Variants in CACNA1D observed in about 807,000 individuals in gnomAD.
CACNA1D encodes the protein voltage-dependent L-type calcium channel subunit alpha-1D.
Under a neutral mutation model 257.1 loss-of-function variants are expected in CACNA1D, and 55 were observed. That is an observed-to-expected ratio of 0.21 (90% CI 0.17 to 0.27). The LOEUF is 0.27. CACNA1D is among the 10% of genes least tolerant of loss of function. CACNA1D has a pLI of 1.00. For synonymous variants in CACNA1D, 980 were observed against 1,014.9 expected, an observed-to-expected ratio of 0.97 and a Z score of 0.65; for missense variants, 1,876 against 2,784.0, an observed-to-expected ratio of 0.67 and a Z score of 7.34.
intron 3 of CACNA1D, among the ~76,000 whole-genome samples, chr3:53,563,106 C>G (rs921766088): frequency 6.6e-6 from 1 of 152,138 alleles, no homozygotes; most frequent in African/African-American, 2.4e-5. Context: ...AAGTTTAACT[C>G]AAGATCCAGT....
chr3:53,681,466 T>C (rs2094429417), intron 8 of CACNA1D, among the ~76,000 whole-genome samples: 1 of 152,210 alleles, frequency 6.6e-6, no homozygotes, highest in Non-Finnish European at 1.5e-5. Flanking sequence ...GAATGACTTA[T>C]TCATTTAATG....
At chr3:53,539,383 C>G (rs2092233934) in intron 3 of CACNA1D, among the ~76,000 whole-genome samples, 1 of 152,192 alleles carries the variant, frequency 6.6e-6, no homozygotes, top group Non-Finnish European at 1.5e-5. Flanking sequence ...GCTGGGATTA[C>G]CAGCATGAGC....
At chr3:53,792,789 T>C (rs1453836984) in intron 40 of CACNA1D, among the ~76,000 whole-genome samples, 1 of 152,194 alleles carries the variant, frequency 6.6e-6, no homozygotes, top group Admixed American at 6.5e-5. Context: ...CATTTGCCCT[T>C]GGCTGCAGTC....
At chr3:53,807,235 G>A (rs187099610) in intron 45 of CACNA1D, among the ~76,000 whole-genome samples, 2 of 152,340 alleles carry the variant, frequency 1.3e-5, no homozygotes, top group East Asian at 3.9e-4. Context: ...CCCCCAGCCC[G>A]GCCATTCGAT....
intron 27 of CACNA1D, among the ~76,000 whole-genome samples, chr3:53,750,593 A>G (rs1412348124): frequency 2.6e-5 from 4 of 152,168 alleles, no homozygotes; most frequent in African/African-American, 9.7e-5. Flanking sequence ...AGACTCCACC[A>G]GTGATTGTCA....
intron 3 of CACNA1D, among the ~76,000 whole-genome samples, chr3:53,543,553 A>G (rs1421420955): frequency 6.6e-6 from 1 of 152,240 alleles, no homozygotes; most frequent in Non-Finnish European, 1.5e-5. Flanking sequence ...ACCAGCTGAG[A>G]CAAACATGAA....
In CACNA1D at chr3:53,732,962, C is replaced by T. The variant is rs1329283872; in HGVS notation, c.2621C>T (p.Pro874Leu). The T allele has an allele frequency of 1.2e-6, 2 of 1,613,744 alleles. No individual in the cohort carries two copies. The highest frequency in any genetic ancestry group is 2.2e-5 in the East Asian group (1 of 44,890). Residue 874 changes from proline (P) to leucine (L), a missense_variant and splice_region_variant, in exon 19 of 48, where the codon CCG (proline) becomes CTG (leucine). Pro to Leu is a moderately conservative substitution (Grantham distance 98, BLOSUM62 -3). Around this residue, in one of 10 missense-constraint regions of CACNA1D, gnomAD observed 271 missense variants for 425.5 expected, o/e 0.64. Coordinates refer to ENST00000350061, the MANE Select transcript of CACNA1D (RefSeq NM_001128840.3). ...TTCTTCATTCTTAGCAAGACCAACC[C>T]GTAAATACTCCCCTTCTAGTCTCTC... ...SAFFILSKTN[P>L]IRVGCHKLIN...
In CACNA1D at chr3:53,676,731, A is replaced by G. The variant is rs2094380734; in HGVS notation, c.1220+3605A>G. ...GAACAGACTTTAATCTGCACATTGGATTTGGTGTTTATTTGTAAAGTGTTG... is the reference window on the plus strand; with the variant it reads ...GAACAGACTTTAATCTGCACATTGGGTTTGGTGTTTATTTGTAAAGTGTTG... On this transcript the variant is annotated intron_variant, in intron 8 of 47. Transcript: ENST00000350061. Among the ~76,000 whole-genome samples, 3 of 152,226 alleles carry G rather than the reference A, an allele frequency of 2.0e-5. No homozygotes were observed. The South Asian group carries it at 6.2e-4, about 32-fold the overall frequency.
At chr3:53,534,915 T>C (rs1276060053) in intron 3 of CACNA1D, among the ~76,000 whole-genome samples, 2 of 152,298 alleles carry the variant, frequency 1.3e-5, no homozygotes, top group Non-Finnish European at 2.9e-5. Flanking sequence ...TCATCAGTTC[T>C]CTTTCTCCTT....
intron 40 of CACNA1D, among the ~76,000 whole-genome samples, chr3:53,796,674 T>C (rs1466691133): frequency 3.3e-5 from 5 of 152,240 alleles, no homozygotes; most frequent in African/African-American, 7.2e-5. Flanking sequence ...AATCATTCAA[T>C]AGAATATCTA....
At chr3:53,532,472 C>T (rs1380732555) in intron 3 of CACNA1D, among the ~76,000 whole-genome samples, 7 of 152,062 alleles carry the variant, frequency 4.6e-5, no homozygotes, top group African/African-American at 1.2e-4. Flanking sequence ...TCTGGAGGTG[C>T]GTGAGCAAAA....
intron 40 of CACNA1D, among the ~76,000 whole-genome samples, chr3:53,799,527 G>A (rs1452197373): frequency 6.6e-6 from 1 of 152,322 alleles, no homozygotes; most frequent in East Asian, 1.9e-4. Flanking sequence ...TGCACTGCCT[G>A]CAAAGGCTGA....
Position 53,674,010 on chromosome 3 carries a change from G to T in CACNA1D, c.1220+884G>T, listed in dbSNP as rs2094350024. On this transcript the variant is annotated intron_variant, in intron 8 of 47. Coordinates refer to ENST00000350061, the MANE Select transcript of CACNA1D (RefSeq NM_001128840.3). The stretch of plus-strand genomic sequence containing the variant: ...GTGAGATTCCGTGTTTCCAATGCTT[G>T]CCAAACACTGTTAATTTAATGAAAA... The T allele has an allele frequency of 1.4e-5, 9 of 658,072 alleles. No individual in the cohort carries two copies. In the African/African-American group the frequency reaches 1.4e-4, roughly 11 times the overall value. The allele number at this position is 658,072 out of a possible 1,614,324, so 40.8% of individuals were successfully genotyped here. A position where few individuals can be genotyped will look rare whatever the true frequency, so the allele number is the denominator to read the frequency against.
At chr3:53,683,384 G>A (rs2094449285) in intron 8 of CACNA1D, among the ~76,000 whole-genome samples, 1 of 152,182 alleles carries the variant, frequency 6.6e-6, no homozygotes, top group African/African-American at 2.4e-5. Context: ...GCCTACTGTA[G>A]ACCTGACTTA....
intron 3 of CACNA1D, among the ~76,000 whole-genome samples, chr3:53,516,982 C>T (rs575046156): frequency 3.9e-5 from 6 of 152,296 alleles, no homozygotes; most frequent in Non-Finnish European, 7.3e-5. Flanking sequence ...ATTTGGAGTC[C>T]GGTGGCCTGG....
chr3:53,540,811 G>A (rs1238622265), intron 3 of CACNA1D, among the ~76,000 whole-genome samples: 1 of 151,852 alleles, frequency 6.6e-6, no homozygotes, highest in Non-Finnish European at 1.5e-5. Flanking sequence ...GCGTGATCTC[G>A]GCTCACTGCT....
At chr3:53,786,727 C>CA (rs2109108303) in intron 39 of CACNA1D, 95 bp from the exon 40 acceptor site, 1 of 631,216 alleles carries the variant, frequency 1.6e-6, no homozygotes, top group Non-Finnish European at 2.7e-6. Flanking sequence ...ACCCGCCCCA[C>CA]TCTGCCCCTG....
At chr3:53,604,666 G>A (rs111789996) in intron 3 of CACNA1D, among the ~76,000 whole-genome samples, 8 of 152,296 alleles carry the variant, frequency 5.3e-5, no homozygotes, top group African/African-American at 1.9e-4. Flanking sequence ...GGATGAAATG[G>A]TGGATATGAA....
chr3:53,753,393 C>T (rs753789638), intron 28 of CACNA1D, among the ~76,000 whole-genome samples, 179 bp from the exon 29 acceptor site: 1 of 152,188 alleles, frequency 6.6e-6, no homozygotes, highest in African/African-American at 2.4e-5. Context: ...TTGTCACAGA[C>T]CCTCCTGCAC....
Sources: allele counts gnomAD v4.1 joint callset (sites outside exome capture counted in the v4.1 genomes callset), GRCh38; gene constraint gnomAD v4.1.1; regional missense constraint gnomAD v4.1.1; transcripts MANE v1.5; gene names NCBI Gene and HGNC (gene_info 2026-07-23, HGNC 2026-07-21).